The following PCDHGA5 variants were observed in gnomAD, a reference collection of about 807,000 sequenced individuals.
PCDHGA5 encodes protocadherin gamma subfamily A, 5, also known as protocadherin gamma-A5.
In PCDHGA5, 36 loss-of-function variants were observed where a neutral mutation model predicts 56.7. That is an observed-to-expected ratio of 0.64 (90% CI 0.49 to 0.84). The LOEUF is 0.84. PCDHGA5 is among the 40% of genes least tolerant of loss of function. The pLI, the probability that PCDHGA5 is intolerant of heterozygous loss-of-function variation, is 0.00. For synonymous variants in PCDHGA5, 563 were observed against 520.2 expected, an observed-to-expected ratio of 1.08 and a Z score of -1.12; for missense variants, 1,305 against 1,201.5, an observed-to-expected ratio of 1.09 and a Z score of -1.27.
chr5:141,426,971 G>A, intron 1 of PCDHGA5: 1 of 456,732 alleles, frequency 2.2e-6, no homozygotes, highest in South Asian at 1.5e-5. Context: ...TTCAAATTGA[G>A]GTCACTGATG....
chr5:141,375,745 C>G (rs753247365), intron 1 of PCDHGA5: 4 of 1,614,238 alleles, frequency 2.5e-6, no homozygotes, highest in Non-Finnish European at 3.4e-6. Context: ...TTGTGCTGGA[C>G]CAGAATGACA....
intron 2 of PCDHGA5, among the ~76,000 whole-genome samples, chr5:141,504,422 T>G (rs1375202110): frequency 6.6e-6 from 1 of 152,078 alleles, no homozygotes; most frequent in Admixed American, 6.6e-5. Context: ...AGACAGGCAC[T>G]ACAACAGCTG....
At chr5:141,501,755 G>C (rs2099810889) in intron 2 of PCDHGA5, among the ~76,000 whole-genome samples, 1 of 152,116 alleles carries the variant, frequency 6.6e-6, no homozygotes, top group Non-Finnish European at 1.5e-5. Context: ...GAAGCTCTCA[G>C]TAAATGGTTA....
chr5:141,373,350 A>G (rs1769502656), intron 1 of PCDHGA5, among the ~76,000 whole-genome samples: 1 of 152,206 alleles, frequency 6.6e-6, no homozygotes, highest in Non-Finnish European at 1.5e-5. Context: ...AACTCTTGTA[A>G]TGGGCACTGT....
chr5:141,477,678 C>A lies in PCDHGA5; in HGVS notation c.2422-17129C>A, dbSNP rs967769574. 1 of 1,614,182 alleles carries A rather than the reference C, an allele frequency of 6.2e-7. No individual in the cohort carries two copies. The highest frequency in any genetic ancestry group is 1.3e-5 in the African/African-American group (1 of 75,054). ...AATCGTGACAATGGCATAGTGTCAT[C>A]CTTAGTGCCCCTAGACTATGAGGAT... is the stretch of plus-strand genomic sequence containing the variant. On this transcript the variant is annotated intron_variant, in intron 1 of 3. Transcript: ENST00000518069. The surrounding 1 kb of genome is among the most constrained non-coding windows in gnomAD (Gnocchi z 4.9).
chr5:141,394,907 T>C (rs1477088272), intron 1 of PCDHGA5: 2 of 1,613,640 alleles, frequency 1.2e-6, no homozygotes, highest in Non-Finnish European at 1.7e-6. Context: ...TGGCAGTGGC[T>C]GCCATCTCCT....
At chr5:141,466,296 A>G (rs2099120415) in intron 1 of PCDHGA5, among the ~76,000 whole-genome samples, 1 of 152,136 alleles carries the variant, frequency 6.6e-6, no homozygotes. Flanking sequence ...TCAGGCTCCC[A>G]AGTAGCTGGG....
At chr5:141,389,911 G>A in intron 1 of PCDHGA5, 1 of 1,614,066 alleles carries the variant, frequency 6.2e-7, no homozygotes, top group South Asian at 1.1e-5. Flanking sequence ...ATCACTGACC[G>A]CCCCGACCCC....
chr5:141,414,251 C>T, intron 1 of PCDHGA5: 3 of 1,613,346 alleles, frequency 1.9e-6, no homozygotes, highest in Non-Finnish European at 2.5e-6. Context: ...CTATTTAGTC[C>T]AGTGACTGAA....
rs747049833 is a variant in PCDHGA5 at position 141,372,558 on chromosome 5, G to T, written c.2421+5807G>T. 2.5e-6 allele frequency: 4 copies of T among 1,614,002 alleles called. No individual in the cohort carries two copies. In the South Asian group the frequency reaches 4.4e-5, roughly 18 times the overall value. ...GCGCCTGCGATGCTCCTCCAGACCC[G>T]CCACTGAGGGCTACTTTCAGCCTGG... On this transcript the variant is annotated intron_variant, in intron 1 of 3. Transcript: ENST00000518069.
intron 1 of PCDHGA5, chr5:141,383,840 T>G: frequency 1.2e-6 from 2 of 1,613,952 alleles, no homozygotes; most frequent in South Asian, 2.2e-5. Flanking sequence ...GAAACTGCCT[T>G]CTATGAAATG....
At chr5:141,426,720 A>T (rs1448232477) in intron 1 of PCDHGA5, 4 of 447,600 alleles carry the variant, frequency 8.9e-6, no homozygotes, top group Non-Finnish European at 1.8e-5. Flanking sequence ...TGAACTAGCA[A>T]TTCCAGGCAT....
At chr5:141,466,709 T>C (rs2099127779) in intron 1 of PCDHGA5, among the ~76,000 whole-genome samples, 1 of 152,212 alleles carries the variant, frequency 6.6e-6, no homozygotes, top group Non-Finnish European at 1.5e-5. Flanking sequence ...TGATGTCTGT[T>C]CTTGTTTCCA....
At chr5:141,384,888 T>C in intron 1 of PCDHGA5, 2 of 1,613,854 alleles carry the variant, frequency 1.2e-6, no homozygotes, top group Non-Finnish European at 1.7e-6. Context: ...TCACCGTGGC[T>C]GTGGCTGACA....
intron 1 of PCDHGA5, chr5:141,367,398 G>C (rs1419985129): frequency 2.0e-5 from 3 of 152,206 alleles, no homozygotes; most frequent in African/African-American, 7.2e-5. Context: ...TTAGCCGGGC[G>C]TGGTGGCAGG....
At chr5:141,373,509 C>G (rs1444734450) in intron 1 of PCDHGA5, among the ~76,000 whole-genome samples, 1 of 152,152 alleles carries the variant, frequency 6.6e-6, no homozygotes, top group East Asian at 1.9e-4. Flanking sequence ...GGAGACAGAG[C>G]GAGACTTTGT....
intron 1 of PCDHGA5, among the ~76,000 whole-genome samples, chr5:141,463,087 C>T (rs971667191): frequency 6.6e-6 from 1 of 152,120 alleles, no homozygotes; most frequent in Non-Finnish European, 1.5e-5. Context: ...CATTTTCCAG[C>T]CCTATGTGAC....
Position 141,477,991 on chromosome 5 carries a change from T to C in PCDHGA5, c.2422-16816T>C, listed in dbSNP as rs774877878. On this transcript the variant is annotated intron_variant, in intron 1 of 3. Transcript: ENST00000518069. The surrounding 1 kb of genome is among the most constrained non-coding windows in gnomAD (Gnocchi z 4.9). The stretch of plus-strand genomic sequence containing the variant: ...GCCTTTTTGCCATAGGGCTGCACAC[T>C]GGTCAAATCAGTACTGCCCGTCCAG... 2 of 1,614,134 alleles carry C rather than the reference T, an allele frequency of 1.2e-6. No individual in the cohort carries two copies. Among genetic ancestry groups the C allele is most frequent in the South Asian group, 2.2e-5 (2 of 91,082 alleles).
At position 141,476,903 on chromosome 5, in the gene PCDHGA5, G is replaced by C; in HGVS notation, c.2422-17904G>C. On this transcript the variant is annotated intron_variant, in intron 1 of 3. Transcript: ENST00000518069. The surrounding 1 kb of genome is among the most constrained non-coding windows in gnomAD (Gnocchi z 7.6). Reference sequence around the variant, plus strand: ...GGAGGATGCACCCTCCGGCACGCGCGTGGTACAAGTCCTTGCAACGGATCT... The same window carrying C: ...GGAGGATGCACCCTCCGGCACGCGCCTGGTACAAGTCCTTGCAACGGATCT... The C allele has an allele frequency of 1.2e-6, 2 of 1,614,018 alleles. No individual in the cohort carries two copies. Among genetic ancestry groups the C allele is most frequent in the Non-Finnish European group, 1.7e-6 (2 of 1,180,044 alleles).
Sources: allele counts gnomAD v4.1 joint callset (sites outside exome capture counted in the v4.1 genomes callset), GRCh38; gene constraint gnomAD v4.1.1; non-coding constraint Gnocchi (gnomAD v3.1); transcripts MANE v1.5; gene names NCBI Gene and HGNC (gene_info 2026-07-23, HGNC 2026-07-21).